KANK1: variants seen among roughly 807,000 people sequenced by gnomAD.
The protein encoded by KANK1 is KN motif and ankyrin repeat domains 1, also known as KN motif and ankyrin repeat domain-containing protein 1.
Under a neutral mutation model 106.2 loss-of-function variants are expected in KANK1, and 109 were observed. That is an observed-to-expected ratio of 1.03 (90% confidence interval 0.88 to 1.20). The LOEUF is 1.20. Ranked by LOEUF, KANK1 falls within the 50% of genes most tolerant of loss-of-function variation. The pLI is 0.00. For missense variants in KANK1, 2,399 were observed against 1,710.7 expected, an observed-to-expected ratio of 1.40 and a Z score of -7.10; for synonymous variants, 873 against 652.2, an observed-to-expected ratio of 1.34 and a Z score of -5.16.
intron 1 of KANK1, among the ~76,000 whole-genome samples, chr9:591,783 C>G (rs557611110): frequency 1.3e-5 from 2 of 151,840 alleles, no homozygotes; most frequent in African/African-American, 4.9e-5. Flanking sequence ...CTCAGCCTAG[C>G]AAGTAGCTGG....
intron 3 of KANK1, among the ~76,000 whole-genome samples, chr9:725,371 T>C (rs1387976628): frequency 6.6e-6 from 1 of 151,884 alleles, no homozygotes; most frequent in African/African-American, 2.4e-5. Context: ...TGCACACCTG[T>C]AGCCCCAGCT....
chr9:502,075 T>C (rs1456492865), upstream of KANK1, among the ~76,000 whole-genome samples: 1 of 152,196 alleles, frequency 6.6e-6, no homozygotes, highest in South Asian at 2.1e-4. Flanking sequence ...GCAACTATTA[T>C]GTTAAGTGAA....
chr9:595,749 T>C (rs1330788161), intron 1 of KANK1, among the ~76,000 whole-genome samples: 1 of 151,780 alleles, frequency 6.6e-6, no homozygotes, highest in Admixed American at 6.6e-5. Flanking sequence ...CTCAAACTCC[T>C]GGACTCAGGT....
rs146037487 is a variant in KANK1, at chr9:678,338, C to T, written c.37+1329C>T. On this transcript the variant is annotated intron_variant, in intron 2 of 11. Transcript: ENST00000382297. ...TTTGCCTGCATTTTCATACTTAATC[C>T]TCACAATAATCTAATGAGATTAAGC... 2.1e-3 allele frequency among the ~76,000 whole-genome samples: 321 copies of T among 152,224 alleles called. 3 individuals are homozygous for T. The highest frequency in any genetic ancestry group is 7.3e-3 in the African/African-American group (304 of 41,492).
At chr9:589,038 C>G (rs1204489543) in intron 1 of KANK1, among the ~76,000 whole-genome samples, 1 of 152,134 alleles carries the variant, frequency 6.6e-6, no homozygotes, top group Non-Finnish European at 1.5e-5. Context: ...AACACTGTGA[C>G]CAACCTGAAG....
intron 3 of KANK1, among the ~76,000 whole-genome samples, chr9:479,996 A>G (rs1038756827): frequency 6.6e-6 from 1 of 152,214 alleles, no homozygotes; most frequent in Non-Finnish European, 1.5e-5. Flanking sequence ...TTCCCTTCTC[A>G]GCAGGTTATA....
At chr9:635,293 C>CT (rs1836818932) in intron 1 of KANK1, among the ~76,000 whole-genome samples, 1 of 152,170 alleles carries the variant, frequency 6.6e-6, no homozygotes, top group African/African-American at 2.4e-5. Flanking sequence ...CCCGAGTTCG[C>CT]TTTGCTCCAT....
intron 1 of KANK1, among the ~76,000 whole-genome samples, chr9:647,575 C>T (rs1024489759): frequency 6.6e-6 from 1 of 150,760 alleles, no homozygotes; most frequent in East Asian, 1.9e-4. Context: ...TTAAGTTTCA[C>T]TTTGCCTTAA....
chr9:738,799 C>G (rs748283890), intron 8 of KANK1, among the ~76,000 whole-genome samples: 3 of 152,224 alleles, frequency 2.0e-5, no homozygotes, highest in Non-Finnish European at 4.4e-5. Context: ...AGAAGCATGT[C>G]TCACGTTCCC....
chr9:702,652 TTG>T (rs1822975263), intron 2 of KANK1, among the ~76,000 whole-genome samples: 1 of 151,876 alleles, frequency 6.6e-6, no homozygotes, highest in African/African-American at 2.4e-5. Flanking sequence ...ACTGGTCCTA[TTG>T]AATGTAGCCT....
intron 2 of KANK1, among the ~76,000 whole-genome samples, chr9:705,531 C>T (rs1823859256): frequency 6.6e-6 from 1 of 151,780 alleles, no homozygotes; most frequent in Non-Finnish European, 1.5e-5. Flanking sequence ...CTCCTTTCTT[C>T]CCAGCATGTT....
intron 2 of KANK1, among the ~76,000 whole-genome samples, chr9:695,074 T>G (rs1323985362): frequency 1.2e-4 from 18 of 152,198 alleles, no homozygotes; most frequent in Admixed American, 1.0e-3. Context: ...ATTCCAGGGC[T>G]CTCTTGCCCA....
At chr9:588,442 T>TC (rs1263194123) in intron 1 of KANK1, among the ~76,000 whole-genome samples, 2 of 152,210 alleles carry the variant, frequency 1.3e-5, no homozygotes, top group Admixed American at 1.3e-4. Context: ...AATGTAGCAC[T>TC]CAGGTGTTGA....
At chr9:671,158 T>A (rs1845816048) in intron 1 of KANK1, among the ~76,000 whole-genome samples, 1 of 152,082 alleles carries the variant, frequency 6.6e-6, no homozygotes, top group Non-Finnish European at 1.5e-5. Context: ...GATTCCAGTA[T>A]CCTGCCTTAG....
chr9:617,268 C>A (rs562029360), intron 1 of KANK1, among the ~76,000 whole-genome samples: 20 of 152,092 alleles, frequency 1.3e-4, no homozygotes, highest in Non-Finnish European at 2.8e-4. Flanking sequence ...CAACTTCACT[C>A]GTTGCCTTCC....
intron 1 of KANK1, among the ~76,000 whole-genome samples, chr9:603,750 G>T (rs1269040162): frequency 6.6e-6 from 1 of 151,488 alleles, no homozygotes; most frequent in Non-Finnish European, 1.5e-5. Flanking sequence ...GAGGTCTGGA[G>T]TCCGAGACCA....
chr9:667,122 T>C (rs564094052), intron 1 of KANK1, among the ~76,000 whole-genome samples: 14 of 151,920 alleles, frequency 9.2e-5, no homozygotes, highest in Admixed American at 2.6e-4. Context: ...TTTGATCTTA[T>C]TACTTGCTAT....
chr9:547,310 T>TG (rs1471578154), intron 1 of KANK1: 1 of 152,204 alleles, frequency 6.6e-6, no homozygotes, highest in Non-Finnish European at 1.5e-5. Flanking sequence ...GGGAAGGACT[T>TG]GAATTCACAG....
chr9:651,804 G>A (rs1840937800), intron 1 of KANK1, among the ~76,000 whole-genome samples: 1 of 152,182 alleles, frequency 6.6e-6, no homozygotes, highest in South Asian at 2.1e-4. Flanking sequence ...TACCAACATA[G>A]ATAATGTTTG....
Sources: allele counts gnomAD v4.1 joint callset (sites outside exome capture counted in the v4.1 genomes callset), GRCh38; gene constraint gnomAD v4.1.1; transcripts MANE v1.5; gene names NCBI Gene and HGNC (gene_info 2026-07-23, HGNC 2026-07-21).